Variants in DLK1 observed in about 807,000 individuals in gnomAD.
DLK1 encodes delta like non-canonical Notch ligand 1.
DLK1 carries 9 observed loss-of-function variants against 35.2 expected under a neutral mutation model. The observed-to-expected ratio is 0.26, with a 90% CI of 0.15 to 0.45. The LOEUF is 0.45. Ranked by LOEUF, DLK1 falls within the 20% of genes least tolerant of loss-of-function variation. DLK1 has a pLI of 1.00. For missense variants in DLK1, 522 were observed against 528.5 expected (o/e 0.99, Z 0.12); for synonymous variants, 231 against 228.4 (o/e 1.01, Z -0.10).
chr14:100,733,884 A>G (rs1340848335), intron 4 of DLK1, among the ~76,000 whole-genome samples: 1 of 152,118 alleles, frequency 6.6e-6, no homozygotes, highest in Non-Finnish European at 1.5e-5. Context: ...GTCCCAGGTT[A>G]GCATCGAGAT....
At chr14:100,727,610 T>A (rs1167736148) in intron 1 of DLK1, among the ~76,000 whole-genome samples, 1 of 152,092 alleles carries the variant, frequency 6.6e-6, no homozygotes, top group Non-Finnish European at 1.5e-5. Context: ...GGTGAGGGGC[T>A]GCGACACTTC....
At chr14:100,728,294 T>G in intron 1 of DLK1, 102 bp from the exon 2 acceptor site, 4 of 1,254,832 alleles carry the variant, frequency 3.2e-6, no homozygotes, top group Non-Finnish European at 4.6e-6. Flanking sequence ...AAGAGGGCTG[T>G]TGGTGCCCTC....
chr14:100,734,931 G>A lies in DLK1; in HGVS notation c.*35G>A. On this transcript the variant is annotated 3_prime_UTR_variant, in exon 5 of 5. Transcript: ENST00000341267. This position sits in a 1 kb window ranked among gnomAD's most constrained non-coding sequence, Gnocchi z 7.4. ...CCACAGCCCCCTCTAGATTCTTGGA[G>A]TTCCGCAGAGCTTACTATACGCGGT... 6.5e-7 allele frequency: 1 copy of A among 1,534,448 alleles called. No homozygotes were observed. Among genetic ancestry groups the A allele is most frequent in the Non-Finnish European group, 8.7e-7 (1 of 1,147,114 alleles).
At chr14:100,729,180 C>A in intron 3 of DLK1, 114 bp downstream of exon 3, 1 of 1,528,696 alleles carries the variant, frequency 6.5e-7, no homozygotes. Context: ...CATTCCTGCA[C>A]ACTCCGTGCC....
chr14:100,727,128 C>A lies in DLK1; in HGVS notation c.60C>A (p.Ser20Arg). The change falls in exon 1 of 5, where the codon AGC (serine) becomes AGA (arginine). Residue 20 changes from serine to arginine, a missense_variant. Ser to Arg is a moderately radical substitution (Grantham distance 110). Transcript: ENST00000341267. ...TGCTCCTGCTGGCTTTCGGCCACAG[C>A]ACCTATGGTGAGTTCCCCGGCGGCC... ...VLLLLLAFGH[S>R]TYGAECFPAC... is the part of the protein sequence containing the mutation. 6.3e-7 allele frequency: 1 copy of A among 1,592,936 alleles called. No individual in the cohort carries two copies. Among genetic ancestry groups the A allele is most frequent in the Non-Finnish European group, 8.5e-7 (1 of 1,171,050 alleles).
At chr14:100,731,632 A>G (rs1378556148) in intron 3 of DLK1, among the ~76,000 whole-genome samples, 2 of 151,628 alleles carry the variant, frequency 1.3e-5, no homozygotes, top group Non-Finnish European at 2.9e-5. Context: ...GCTGGCCAGG[A>G]CCCCTCCCCT....
In DLK1 at chr14:100,735,000, TGGTGAAC is replaced by T; in HGVS notation, c.*106_*112del. On this transcript the variant is annotated 3_prime_UTR_variant, in exon 5 of 5. Coordinates refer to ENST00000341267, the MANE Select transcript of DLK1 (RefSeq NM_003836.7). The surrounding 1 kb of genome is among the most constrained non-coding windows in gnomAD (Gnocchi z 7.4). ...TGTTCGCTATCTCTTGTGTCAAATC[TGGTGAAC>T]GCTACGCTTACATATATTGTCTTTG... The T allele has an allele frequency of 7.0e-7, 1 of 1,437,992 alleles. No individual in the cohort carries two copies. The highest frequency in any genetic ancestry group is 9.3e-7 in the Non-Finnish European group (1 of 1,080,784). The allele number at this position is 1,437,992 out of a possible 1,614,324, so 89.1% of individuals were successfully genotyped here. A position where few individuals can be genotyped will look rare whatever the true frequency, so the allele number is the denominator to read the frequency against.
intron 4 of DLK1, among the ~76,000 whole-genome samples, chr14:100,733,499 C>T (rs1291086921): frequency 6.6e-6 from 1 of 152,182 alleles, no homozygotes; most frequent in African/African-American, 2.4e-5. Context: ...CCACCGTAGA[C>T]AGACCTCGTA....
chr14:100,732,141 GAAAGGACTGCCAGAA>G lies in DLK1; in HGVS notation c.370_384del (p.Cys124_Asp128del). The G allele has an allele frequency of 6.2e-7, 1 of 1,614,104 alleles. No homozygotes were observed. The highest frequency in any genetic ancestry group is 8.5e-7 in the Non-Finnish European group (1 of 1,180,004). On this transcript the variant is annotated inframe_deletion, in exon 4 of 5. Coordinates refer to ENST00000341267, the MANE Select transcript of DLK1 (RefSeq NM_003836.7). ...TGCTCCTGTGCCCCCGGGTACTCGGGAAAGGACTGCCAGAAAAAGGACGGGCCCTGTGTGATCAAC... is the reference window on the plus strand; with the variant it reads ...TGCTCCTGTGCCCCCGGGTACTCGGGAAAGGACGGGCCCTGTGTGATCAAC...
At chr14:100,727,650 CGA>C (rs995446316) in intron 1 of DLK1, among the ~76,000 whole-genome samples, 1 of 152,136 alleles carries the variant, frequency 6.6e-6, no homozygotes, top group Non-Finnish European at 1.5e-5. Context: ...TCTCTGACAG[CGA>C]GAGAGTTGCC....
At chr14:100,733,820 G>T (rs1015137505) in intron 4 of DLK1, among the ~76,000 whole-genome samples, 1 of 151,940 alleles carries the variant, frequency 6.6e-6, no homozygotes, top group Non-Finnish European at 1.5e-5. Context: ...GGTTGGAGAG[G>T]TGCAGTAAGA....
chr14:100,738,132 T>A lies in DLK1; in HGVS notation c.*3236T>A, dbSNP rs570050782. ...TTTGTCACCAAAATGTTAAAAAAAA[T>A]GTCCTTGGCGCTCTTTTTAGCTTTC... is the stretch of plus-strand genomic sequence containing the variant. On this transcript the variant is annotated 3_prime_UTR_variant, in exon 5 of 5. Transcript: ENST00000341267. The A allele has an allele frequency of 6.6e-6, 1 of 152,294 alleles. No individual in the cohort carries two copies. Among genetic ancestry groups the A allele is most frequent in the Non-Finnish European group, 1.5e-5 (1 of 68,020 alleles). The allele number at this position is 152,294 out of a possible 1,614,324, so 9.4% of individuals were successfully genotyped here. A position where few individuals can be genotyped will look rare whatever the true frequency, so the allele number is the denominator to read the frequency against.
At chr14:100,727,167 C>T (rs769285825) in intron 1 of DLK1, 32 bp downstream of exon 1, 108 of 1,536,948 alleles carry the variant, frequency 7.0e-5, no homozygotes, top group Non-Finnish European at 9.1e-5. Context: ...CTCGCGCCCC[C>T]TCTGGGGAAG....
Position 100,734,404 on chromosome 14 carries a change from G to A in DLK1, c.660G>A (p.Gly220=), listed in dbSNP as rs1180903510. The change falls in exon 5 of 5, where the codon GGG becomes GGA. Residue 220 remains glycine, a synonymous_variant. Coordinates refer to ENST00000341267, the MANE Select transcript of DLK1 (RefSeq NM_003836.7). The surrounding 1 kb of genome is among the most constrained non-coding windows in gnomAD (Gnocchi z 7.4). ...GCGCCAGCAGCCCGTGCCAGAACGGGGGCACCTGCCTGCAGCACACCCAGG... is the reference window on the plus strand; with the variant it reads ...GCGCCAGCAGCCCGTGCCAGAACGGAGGCACCTGCCTGCAGCACACCCAGG... ...TNCASSPCQN[G]GTCLQHTQVS... 2 of 1,611,740 alleles carry A rather than the reference G, an allele frequency of 1.2e-6. No homozygotes were observed. The highest frequency in any genetic ancestry group is 1.1e-5 in the South Asian group (1 of 90,996).
chr14:100,734,672 C>T lies in DLK1; in HGVS notation c.928C>T (p.Leu310=). 1 of 1,614,102 alleles carries T rather than the reference C, an allele frequency of 6.2e-7. No homozygotes were observed. ...TEGQAICFTI[L]GVLTSLVVLG... The stretch of plus-strand genomic sequence containing the variant: ...GGGCCAGGCCATCTGCTTCACCATC[C>T]TGGGCGTGCTCACCAGCCTGGTGGT... Residue 310 remains leucine (L), a synonymous_variant, in exon 5 of 5, where the codon CTG becomes TTG. Transcript: ENST00000341267. The surrounding 1 kb of genome is among the most constrained non-coding windows in gnomAD (Gnocchi z 7.4).
rs1316228499 is a variant in DLK1 at position 100,736,225 on chromosome 14, TG to T, written c.*1332del. 1 of 151,462 alleles carries T rather than the reference TG, an allele frequency of 6.6e-6. No individual in the cohort carries two copies. Among genetic ancestry groups the T allele is most frequent in the African/African-American group, 2.4e-5 (1 of 41,158 alleles). The allele number at this position is 151,462 out of a possible 1,614,324, so 9.4% of individuals were successfully genotyped here. A position where few individuals can be genotyped will look rare whatever the true frequency, so the allele number is the denominator to read the frequency against. On this transcript the variant is annotated 3_prime_UTR_variant, in exon 5 of 5. Transcript: ENST00000341267. ...TCTTTTTTGCAAAAATAGAAAGAAA[TG>T]GGACAGAGCTCTGTTTAGCTTTTCA...
At chr14:100,733,276 C>G (rs980881713) in intron 4 of DLK1, among the ~76,000 whole-genome samples, 4 of 152,206 alleles carry the variant, frequency 2.6e-5, no homozygotes, top group Non-Finnish European at 5.9e-5. Context: ...CCATGCAGCC[C>G]ACACCCTGAA....
chr14:100,729,226 GGT>G, intron 3 of DLK1, 160 bp downstream of exon 3: 3 of 1,286,232 alleles, frequency 2.3e-6, no homozygotes, highest in Non-Finnish European at 3.3e-6. Context: ...ATTTCCTGTG[GGT>G]ACCGAATGCC....
intron 1 of DLK1, among the ~76,000 whole-genome samples, chr14:100,727,809 G>T (rs2036454420): frequency 6.6e-6 from 1 of 152,158 alleles, no homozygotes; most frequent in Non-Finnish European, 1.5e-5. Context: ...ACCTCAGCCC[G>T]CTAAGCAAAA....
Sources: gnomAD v4.1 joint callset for allele counts (sites outside exome capture counted in the v4.1 genomes callset) on GRCh38, gnomAD v4.1.1 for gene constraint, Gnocchi (gnomAD v3.1) non-coding constraint, MANE v1.5 for transcripts, NCBI Gene and HGNC (gene_info 2026-07-23, HGNC 2026-07-21) for gene names.